Variants in DPP6 observed in about 807,000 individuals in gnomAD.
The protein encoded by DPP6 is dipeptidyl peptidase like 6, also known as A-type potassium channel modulatory protein DPP6.
DPP6 carries 69 observed loss-of-function variants against 122.6 expected under a neutral mutation model. That is an observed-to-expected ratio of 0.56 (90% CI 0.46 to 0.69). DPP6 has a LOEUF of 0.69. Among genes scored for constraint, DPP6 ranks in the 30% least tolerant of loss-of-function variants. DPP6 has a pLI of 0.00. For missense variants in DPP6, 928 were observed against 1,116.9 expected (o/e 0.83, Z 2.41); for synonymous variants, 418 against 433.1 (o/e 0.97, Z 0.43).
chr7:154,182,209 T>C (rs1798125478), intron 1 of DPP6, among the ~76,000 whole-genome samples: 1 of 152,166 alleles, frequency 6.6e-6, no homozygotes, highest in African/African-American at 2.4e-5. Context: ...TGTAAATTTA[T>C]TTTGGAATAA....
At chr7:154,684,631 C>A (rs1395583679) in intron 7 of DPP6, among the ~76,000 whole-genome samples, 5 of 152,230 alleles carry the variant, frequency 3.3e-5, no homozygotes, top group African/African-American at 7.2e-5. Flanking sequence ...GCCTTTTCAG[C>A]CACCACATGG....
intron 8 of DPP6, among the ~76,000 whole-genome samples, chr7:154,744,933 C>T (rs757025407): frequency 3.3e-5 from 5 of 152,252 alleles, no homozygotes; most frequent in East Asian, 1.9e-4. Flanking sequence ...TAGGATGATC[C>T]GAAACGCGAC....
the DPP6 span, among the ~76,000 whole-genome samples, chr7:153,805,377 C>T: frequency 6.6e-6 from 1 of 152,170 alleles, no homozygotes; most frequent in African/African-American, 2.4e-5. Flanking sequence ...GTTGTTGGAA[C>T]ACTCTTAGAA....
At chr7:154,155,696 T>C (rs2150695819) in intron 1 of DPP6, among the ~76,000 whole-genome samples, 1 of 152,242 alleles carries the variant, frequency 6.6e-6, no homozygotes, top group East Asian at 1.9e-4. Context: ...AAACTTCCAT[T>C]TATATGCCAG....
intron 1 of DPP6, among the ~76,000 whole-genome samples, chr7:154,297,835 G>A (rs1805641601): frequency 6.6e-6 from 1 of 152,196 alleles, no homozygotes; most frequent in South Asian, 2.1e-4. Flanking sequence ...GAAAAGGCGG[G>A]AAGGAGAGGG....
chr7:154,381,925 C>T (rs1184375715), intron 1 of DPP6, among the ~76,000 whole-genome samples: 1 of 152,086 alleles, frequency 6.6e-6, no homozygotes, highest in Non-Finnish European at 1.5e-5. Context: ...TGCTATTTCT[C>T]CAGAGGGGTC....
chr7:154,743,302 T>C (rs993137887), intron 8 of DPP6, among the ~76,000 whole-genome samples: 6 of 152,176 alleles, frequency 3.9e-5, no homozygotes, highest in African/African-American at 1.4e-4. Flanking sequence ...GAAAGATGAA[T>C]TGAAAACTAT....
chr7:154,295,949 T>C (rs1585856050), intron 1 of DPP6, among the ~76,000 whole-genome samples: 1 of 147,636 alleles, frequency 6.8e-6, no homozygotes, highest in African/African-American at 2.5e-5. Context: ...TGCTTCTTTT[T>C]TTTTTTTTTT....
chr7:153,973,978 C>T lies in DPP6; in HGVS notation c.51+86244C>T, dbSNP rs76843308. ...TTTACCCGATGAACCCTTAGCCATC[C>T]TTGTTAGTCCTGCAGACAACCGTGA... is the stretch of plus-strand genomic sequence containing the variant. On this transcript the variant is annotated intron_variant, in intron 1 of 25. Transcript: ENST00000404039. 3.3e-3 allele frequency among the ~76,000 whole-genome samples: 502 copies of T among 151,924 alleles called. 18 individuals are homozygous for T. In the East Asian group the frequency reaches 0.086, roughly 26 times the overall value.
chr7:153,835,120 G>A, the DPP6 span, among the ~76,000 whole-genome samples: 1 of 152,204 alleles, frequency 6.6e-6, no homozygotes, highest in African/African-American at 2.4e-5. Flanking sequence ...GGAACTAATG[G>A]AAGAAAACTG....
chr7:154,836,703 G>T (rs1403692622), intron 16 of DPP6, among the ~76,000 whole-genome samples: 1 of 152,126 alleles, frequency 6.6e-6, no homozygotes. Flanking sequence ...TATTTATTTT[G>T]ATTTTGATTT....
intron 1 of DPP6, among the ~76,000 whole-genome samples, chr7:154,018,972 G>A (rs1280308564): frequency 6.6e-6 from 1 of 151,954 alleles, no homozygotes; most frequent in Admixed American, 6.6e-5. Flanking sequence ...AAGTTTGTAG[G>A]GGAAATATGG....
At chr7:154,650,711 C>T (rs2130990211) in intron 6 of DPP6, among the ~76,000 whole-genome samples, 1 of 152,212 alleles carries the variant, frequency 6.6e-6, no homozygotes, top group Admixed American at 6.5e-5. Flanking sequence ...TGACATGCAG[C>T]CTGCCACTGT....
intron 1 of DPP6, among the ~76,000 whole-genome samples, chr7:154,104,846 G>T (rs911206129): frequency 4.6e-5 from 7 of 152,144 alleles, no homozygotes; most frequent in African/African-American, 1.7e-4. Flanking sequence ...TTTGAGGCTG[G>T]GAGTCGTGGC....
At chr7:154,756,919 G>T (rs1320407754) in intron 8 of DPP6, among the ~76,000 whole-genome samples, 1 of 146,002 alleles carries the variant, frequency 6.8e-6, no homozygotes, top group African/African-American at 2.6e-5. Flanking sequence ...CACATCCCCT[G>T]AAGAACAGGC....
At chr7:154,567,515 C>T (rs1830835192) in intron 5 of DPP6, among the ~76,000 whole-genome samples, 1 of 152,074 alleles carries the variant, frequency 6.6e-6, no homozygotes, top group African/African-American at 2.4e-5. Context: ...TTGACATGCT[C>T]GTATTTCAAA....
At chr7:154,231,144 T>G (rs1490633087) in intron 1 of DPP6, among the ~76,000 whole-genome samples, 1 of 152,232 alleles carries the variant, frequency 6.6e-6, no homozygotes, top group Non-Finnish European at 1.5e-5. Flanking sequence ...CCCACATTCT[T>G]GACAGGGTCC....
At chr7:154,514,238 T>C (rs534466864) in intron 3 of DPP6, among the ~76,000 whole-genome samples, 1 of 152,172 alleles carries the variant, frequency 6.6e-6, no homozygotes, top group East Asian at 1.9e-4. Context: ...ATAGCACCAC[T>C]GCACTCCAGT....
chr7:154,335,456 A>G (rs1025124307), intron 1 of DPP6, among the ~76,000 whole-genome samples: 11 of 152,378 alleles, frequency 7.2e-5, no homozygotes, highest in Middle Eastern at 3.4e-3. Flanking sequence ...TGTCAGGCAC[A>G]GTACACACAA....
Sources: allele counts gnomAD v4.1 joint callset (sites outside exome capture counted in the v4.1 genomes callset), GRCh38; gene constraint gnomAD v4.1.1; transcripts MANE v1.5; gene names NCBI Gene and HGNC (gene_info 2026-07-23, HGNC 2026-07-21).